MYLK4: variants seen among roughly 807,000 people sequenced by gnomAD.
The protein encoded by MYLK4 is myosin light chain kinase family member 4, also known as caMLCK like.
MYLK4 carries 46 observed loss-of-function variants against 48.1 expected under a neutral mutation model. The observed-to-expected ratio is 0.96, with a 90% confidence interval of 0.75 to 1.22. The LOEUF is 1.22. MYLK4 is among the 50% of genes most tolerant of loss of function. The pLI is 0.00. For synonymous variants in MYLK4, 170 were observed against 180.8 expected (o/e 0.94, Z 0.48); for missense variants, 451 against 486.1 (o/e 0.93, Z 0.68).
At position 2,695,726 on chromosome 6, in the gene MYLK4, C is replaced by T. The variant is rs572674112; in HGVS notation, c.160-2867G>A. On this transcript the variant is annotated intron_variant, in intron 2 of 12. Coordinates refer to ENST00000274643, the MANE Select transcript of MYLK4 (RefSeq NM_001012418.5). ...ATTCTCCTGTCCTTTCCAGGACAGA[C>T]GCTGTATTTCTCCTTTTCTTTTCAG... Among the ~76,000 whole-genome samples the T allele has an allele frequency of 7.2e-5, 11 of 152,268 alleles. No homozygotes were observed. In the East Asian group the frequency reaches 9.7e-4, roughly 13 times the overall value.
chr6:2,676,178 C>G (rs1761076815), intron 10 of MYLK4, among the ~76,000 whole-genome samples: 1 of 152,002 alleles, frequency 6.6e-6, no homozygotes, highest in Admixed American at 6.6e-5. Flanking sequence ...GAGGCAGTTT[C>G]AAGCAGTAAT....
At position 2,685,792 on chromosome 6, in the gene MYLK4, C is replaced by T. The variant is rs756065051; in HGVS notation, c.342-216G>A. 1.3e-5 allele frequency among the ~76,000 whole-genome samples: 2 copies of T among 152,064 alleles called. No homozygotes were observed. The highest frequency in any genetic ancestry group is 4.2e-4 in the South Asian group (2 of 4,818). On this transcript the variant is annotated intron_variant, in intron 4 of 12. Coordinates refer to ENST00000274643, the MANE Select transcript of MYLK4 (RefSeq NM_001012418.5). This position sits in a 1 kb window ranked among gnomAD's most constrained non-coding sequence, Gnocchi z 4.5. Reference sequence around the variant, plus strand: ...AGCTGTTAAGAAAGCAGGTCTCGGCCGGGCACGGTGGCTCACACCTGTAAT... The same window carrying T: ...AGCTGTTAAGAAAGCAGGTCTCGGCTGGGCACGGTGGCTCACACCTGTAAT...
chr6:2,714,547 A>G (rs1762798294), intron 2 of MYLK4, among the ~76,000 whole-genome samples: 1 of 152,324 alleles, frequency 6.6e-6, no homozygotes, highest in East Asian at 1.9e-4. Context: ...CATAGCCCCA[A>G]TTTGGGGGCT....
chr6:2,711,080 G>A (rs1349002762), intron 2 of MYLK4, among the ~76,000 whole-genome samples: 3 of 152,192 alleles, frequency 2.0e-5, no homozygotes, highest in East Asian at 1.9e-4. Flanking sequence ...ACACACAGCT[G>A]TGTACATGAG....
intron 2 of MYLK4, among the ~76,000 whole-genome samples, chr6:2,739,313 A>T (rs1353922042): frequency 6.6e-6 from 1 of 152,214 alleles, no homozygotes; most frequent in Non-Finnish European, 1.5e-5. Context: ...GAGTAAATTA[A>T]TACAGAATCT....
At chr6:2,746,183 C>T (rs982717935) in intron 2 of MYLK4, among the ~76,000 whole-genome samples, 1 of 151,840 alleles carries the variant, frequency 6.6e-6, no homozygotes, top group African/African-American at 2.4e-5. Context: ...AGGAGAATTG[C>T]TTCAACCTGG....
the MYLK4 span, chr6:2,770,195 G>A: frequency 1.2e-6 from 2 of 1,614,172 alleles, no homozygotes; most frequent in Non-Finnish European, 1.7e-6. Flanking sequence ...TTCCTTCCAG[G>A]TCAACGCTGC....
At chr6:2,764,483 C>A in the MYLK4 span, among the ~76,000 whole-genome samples, 1 of 152,156 alleles carries the variant, frequency 6.6e-6, no homozygotes, top group African/African-American at 2.4e-5. Flanking sequence ...TCTTCATTCT[C>A]CCTCAATTCA....
rs1299575220 is a variant in MYLK4 at position 2,688,970 on chromosome 6, G to A, written c.236-14C>T. 6.2e-7 allele frequency: 1 copy of A among 1,610,936 alleles called. No individual in the cohort carries two copies. Among genetic ancestry groups the A allele is most frequent in the South Asian group, 1.1e-5 (1 of 91,026 alleles). On this transcript the variant is annotated splice_polypyrimidine_tract_variant and intron_variant, in intron 3 of 12. Transcript: ENST00000274643. ...CCGGGATGTCAACTAGAAGGTGAGA[G>A]AAACAGAAGGGCAATCTGTCAAGAA...
intron 8 of MYLK4, 54 bp downstream of exon 8, chr6:2,680,167 G>T: frequency 6.3e-7 from 1 of 1,586,736 alleles, no homozygotes; most frequent in South Asian, 1.1e-5. Context: ...CAAAGGAAGG[G>T]CAACCATCAT....
chr6:2,739,049 T>G (rs1347647187), intron 2 of MYLK4, among the ~76,000 whole-genome samples: 1 of 152,236 alleles, frequency 6.6e-6, no homozygotes, highest in Non-Finnish European at 1.5e-5. Context: ...TTTCATATGT[T>G]GGGCAAGCGA....
At chr6:2,676,752 GCT>G (rs1199563275) in intron 10 of MYLK4, among the ~76,000 whole-genome samples, 1 of 152,168 alleles carries the variant, frequency 6.6e-6, no homozygotes, top group Non-Finnish European at 1.5e-5. Flanking sequence ...CTCTGCATCT[GCT>G]CTGAGATAGC....
chr6:2,762,800 C>A, the MYLK4 span, among the ~76,000 whole-genome samples: 19 of 152,292 alleles, frequency 1.2e-4, no homozygotes, highest in African/African-American at 4.6e-4. Flanking sequence ...GGCAGACCTT[C>A]CCGGAGACCG....
Position 2,685,406 on chromosome 6 carries a change from C to A in MYLK4, c.436-1G>T. 6.3e-7 allele frequency: 1 copy of A among 1,590,932 alleles called. No homozygotes were observed. Among genetic ancestry groups the A allele is most frequent in the Non-Finnish European group, 8.6e-7 (1 of 1,165,126 alleles). ...CGCTGATCTCGTTCTTCACCTCCTC[C>A]TGAGAAGCAGGAAACAGTGCATTAG... is the stretch of plus-strand genomic sequence containing the variant. On this transcript the variant is annotated splice_acceptor_variant, in intron 5 of 12. Coordinates refer to ENST00000274643, the MANE Select transcript of MYLK4 (RefSeq NM_001012418.5). LOFTEE classifies it high-confidence loss of function. This position sits in a 1 kb window ranked among gnomAD's most constrained non-coding sequence, Gnocchi z 4.5.
At chr6:2,767,386 A>G in the MYLK4 span, among the ~76,000 whole-genome samples, 2 of 152,100 alleles carry the variant, frequency 1.3e-5, no homozygotes, top group Non-Finnish European at 2.9e-5. Flanking sequence ...TGAGATTCAG[A>G]CTCGTTTGCA....
In MYLK4 at chr6:2,737,984, G is replaced by A. The variant is rs867511025; in HGVS notation, c.159+11152C>T. On this transcript the variant is annotated intron_variant, in intron 2 of 12. Transcript: ENST00000274643. The stretch of plus-strand genomic sequence containing the variant: ...GGGGTGGGGTGCCGGGGGCGGGTGG[G>A]GGGGGGGTGGTCAATGTTATTAACC... 1.8e-3 allele frequency among the ~76,000 whole-genome samples: 202 copies of A among 111,270 alleles called. 17 individuals are homozygous for A. The highest frequency in any genetic ancestry group is 5.6e-3 in the African/African-American group (172 of 30,710). The allele number at this position is 111,270 out of a possible 152,430, so 73.0% of individuals were successfully genotyped here.
the MYLK4 span, among the ~76,000 whole-genome samples, chr6:2,762,304 T>G: frequency 2.4e-3 from 362 of 152,352 alleles, 1 homozygote; most frequent in Non-Finnish European, 4.2e-3. Context: ...TAGGTCTATA[T>G]GCAACTCTAC....
At chr6:2,677,826 C>T (rs1031663938) in intron 10 of MYLK4, among the ~76,000 whole-genome samples, 3 of 152,184 alleles carry the variant, frequency 2.0e-5, no homozygotes, top group Non-Finnish European at 4.4e-5. Flanking sequence ...AAGCACTTGG[C>T]ATGATCTGGC....
the MYLK4 span, chr6:2,765,814 C>G: frequency 7.4e-7 from 1 of 1,355,820 alleles, no homozygotes; most frequent in Non-Finnish European, 9.4e-7. Flanking sequence ...CCAAGGGGCC[C>G]TCGCCGCCCG....
Sources: gnomAD v4.1 joint callset for allele counts (sites outside exome capture counted in the v4.1 genomes callset) on GRCh38, gnomAD v4.1.1 for gene constraint, Gnocchi (gnomAD v3.1) non-coding constraint, MANE v1.5 for transcripts, NCBI Gene and HGNC (gene_info 2026-07-23, HGNC 2026-07-21) for gene names.